EHBP1: variants seen among roughly 807,000 people sequenced by gnomAD.
EHBP1 encodes EH domain-binding protein 1.
EHBP1 carries 55 observed loss-of-function variants against 144.0 expected under a neutral mutation model. That is an observed-to-expected ratio of 0.38 (90% CI 0.31 to 0.48). The LOEUF is 0.48. Ranked by LOEUF, EHBP1 falls within the 20% of genes least tolerant of loss-of-function variation. EHBP1 has a pLI of 0.98. For synonymous variants in EHBP1, 469 were observed against 472.7 expected, an observed-to-expected ratio of 0.99 and a Z score of 0.10; for missense variants, 1,200 against 1,364.2, an observed-to-expected ratio of 0.88 and a Z score of 1.90.
chr2:62,814,266 G>A (rs2045276247), intron 5 of EHBP1, among the ~76,000 whole-genome samples: 1 of 152,198 alleles, frequency 6.6e-6, no homozygotes, highest in Admixed American at 6.5e-5. Context: ...TGTTATAAAA[G>A]CAAGTTTGGT....
intron 14 of EHBP1, among the ~76,000 whole-genome samples, chr2:62,977,088 C>T (rs2058749999): frequency 6.6e-6 from 1 of 151,692 alleles, no homozygotes; most frequent in South Asian, 2.1e-4. Flanking sequence ...AGTCCATTGC[C>T]ATCCTTCTAT....
intron 1 of EHBP1, among the ~76,000 whole-genome samples, chr2:62,677,777 G>A (rs185875563): frequency 6.6e-6 from 1 of 152,176 alleles, no homozygotes; most frequent in Non-Finnish European, 1.5e-5. Context: ...TTAACATAAT[G>A]ACCTCCAGTT....
At chr2:62,746,467 G>A (rs1482083655) in intron 2 of EHBP1, among the ~76,000 whole-genome samples, 1 of 151,992 alleles carries the variant, frequency 6.6e-6, no homozygotes, top group Non-Finnish European at 1.5e-5. Context: ...AGTGTAAAAT[G>A]AACAGGACAT....
At chr2:62,687,774 A>G (rs768240085) in intron 1 of EHBP1, among the ~76,000 whole-genome samples, 3 of 152,212 alleles carry the variant, frequency 2.0e-5, no homozygotes, top group Non-Finnish European at 2.9e-5. Flanking sequence ...CAGAATCTGC[A>G]CAGACCCGCT....
chr2:62,674,154 A>G (rs2151715441), intron 1 of EHBP1: 1 of 470,988 alleles, frequency 2.1e-6, no homozygotes, highest in East Asian at 7.0e-5. Flanking sequence ...TTTTCTTTGG[A>G]TCTTACTAGC....
chr2:62,900,150 C>T (rs1411012686), intron 10 of EHBP1, among the ~76,000 whole-genome samples: 2 of 152,076 alleles, frequency 1.3e-5, no homozygotes. Context: ...TAGACCCAAG[C>T]TTGGAGAAAC....
intron 2 of EHBP1, among the ~76,000 whole-genome samples, chr2:62,709,310 A>G (rs561624686): frequency 6.6e-5 from 10 of 152,232 alleles, no homozygotes; most frequent in African/African-American, 2.2e-4. Context: ...TTGACATCCA[A>G]GCTTTTGTGT....
Position 62,907,388 on chromosome 2 carries a change from A to G in EHBP1, c.1185+32856A>G, listed in dbSNP as rs150657283. Among the ~76,000 whole-genome samples, 291 of 152,332 alleles carry G rather than the reference A, an allele frequency of 1.9e-3. 1 individual carries two copies. The highest frequency in any genetic ancestry group is 6.7e-3 in the African/African-American group (279 of 41,588). ...TTAGTATGTTTTTCCCTAAAGGCTA[A>G]TGATTTTGAACTCTCTCTTAATCAT... On this transcript the variant is annotated intron_variant, in intron 10 of 22. Coordinates refer to ENST00000431489, the MANE Select transcript of EHBP1 (RefSeq NM_001142616.3).
intron 10 of EHBP1, among the ~76,000 whole-genome samples, chr2:62,892,357 T>C (rs1298176097): frequency 1.3e-5 from 2 of 152,142 alleles, no homozygotes; most frequent in African/African-American, 2.4e-5. Context: ...TTGTGGTAAA[T>C]CTTCACAAGG....
intron 10 of EHBP1, among the ~76,000 whole-genome samples, chr2:62,917,256 G>C (rs1314182047): frequency 6.6e-6 from 1 of 152,124 alleles, no homozygotes; most frequent in East Asian, 1.9e-4. Context: ...TCATACCACT[G>C]CATTCCAGCC....
intron 19 of EHBP1, among the ~76,000 whole-genome samples, chr2:63,004,938 TACA>T (rs1464577578): frequency 6.6e-6 from 1 of 152,130 alleles, no homozygotes; most frequent in African/African-American, 2.4e-5. Context: ...TCTGCATTTT[TACA>T]ACAATTTTAT....
chr2:62,984,581 TAC>T (rs2059111593), intron 15 of EHBP1, among the ~76,000 whole-genome samples: 1 of 152,230 alleles, frequency 6.6e-6, no homozygotes, highest in South Asian at 2.1e-4. Flanking sequence ...TCTGTAAGAA[TAC>T]AGTTAGAGCA....
chr2:62,685,475 G>T (rs940859309), intron 1 of EHBP1, among the ~76,000 whole-genome samples: 1 of 152,020 alleles, frequency 6.6e-6, no homozygotes, highest in Non-Finnish European at 1.5e-5. Context: ...ATCTTCACAT[G>T]GTGTTCTCTC....
chr2:62,747,561 T>G (rs2039277114), intron 3 of EHBP1, 109 bp downstream of exon 3: 1 of 853,028 alleles, frequency 1.2e-6, no homozygotes, highest in African/African-American at 1.7e-5. Flanking sequence ...TTGTTTTTTT[T>G]TCTTGATTGT....
At chr2:62,857,236 T>C (rs1248888941) in intron 7 of EHBP1, among the ~76,000 whole-genome samples, 1 of 152,200 alleles carries the variant, frequency 6.6e-6, no homozygotes, top group Non-Finnish European at 1.5e-5. Flanking sequence ...AAATGCAATA[T>C]CTGGGAAGTG....
intron 7 of EHBP1, among the ~76,000 whole-genome samples, chr2:62,840,581 A>G (rs2047738634): frequency 6.6e-6 from 1 of 151,708 alleles, no homozygotes; most frequent in South Asian, 2.1e-4. Flanking sequence ...AATTTTCGCA[A>G]CCTACTCATC....
intron 7 of EHBP1, among the ~76,000 whole-genome samples, chr2:62,852,119 G>C (rs141403410): frequency 1.3e-5 from 2 of 151,878 alleles, no homozygotes; most frequent in Non-Finnish European, 2.9e-5. Context: ...TATTCCCTGC[G>C]GTGCTCAAAT....
chr2:62,737,769 G>T (rs1295461967), intron 2 of EHBP1, among the ~76,000 whole-genome samples: 1 of 151,854 alleles, frequency 6.6e-6, no homozygotes, highest in Non-Finnish European at 1.5e-5. Flanking sequence ...TAAAAAAAAA[G>T]AGTTTTTTTT....
intron 5 of EHBP1, among the ~76,000 whole-genome samples, chr2:62,797,513 CTACTGTGTTA>C (rs775102687): frequency 1.3e-5 from 2 of 152,178 alleles, no homozygotes; most frequent in Non-Finnish European, 2.9e-5. Context: ...CTTATCTTTG[CTACTGTGTTA>C]ATGAATAAAT....
Sources: allele counts gnomAD v4.1 joint callset (sites outside exome capture counted in the v4.1 genomes callset), GRCh38; gene constraint gnomAD v4.1.1; transcripts MANE v1.5; gene names NCBI Gene and HGNC (gene_info 2026-07-23, HGNC 2026-07-21).